CHCHD3: variants seen among roughly 807,000 people sequenced by gnomAD.
CHCHD3 encodes MICOS complex subunit MIC19.
Under a neutral mutation model 38.2 loss-of-function variants are expected in CHCHD3, and 20 were observed. The ratio of observed to expected loss-of-function variants is 0.52; its 90% CI spans 0.37 to 0.76. The LOEUF (loss-of-function observed/expected upper bound fraction) is 0.76, where lower values mean the gene tolerates loss of function less well. Among genes scored for constraint, CHCHD3 ranks in the 30% least tolerant of loss-of-function variants. The pLI is 0.00. For missense variants in CHCHD3, 245 were observed against 279.2 expected, an observed-to-expected ratio of 0.88 and a Z score of 0.87; for synonymous variants, 82 against 100.0, an observed-to-expected ratio of 0.82 and a Z score of 1.07.
intron 4 of CHCHD3, among the ~76,000 whole-genome samples, chr7:132,939,389 T>G (rs1008439997): frequency 6.6e-6 from 1 of 152,154 alleles, no homozygotes; most frequent in African/African-American, 2.4e-5. Flanking sequence ...TTATCTTTTA[T>G]GCTATATTTT....
intron 4 of CHCHD3, among the ~76,000 whole-genome samples, chr7:132,900,176 T>C (rs534346881): frequency 8.4e-3 from 151 of 18,056 alleles, no homozygotes; most frequent in African/African-American, 0.035. Context: ...ATAGGTAAGA[T>C]TGGGGCTGCA....
intron 4 of CHCHD3, among the ~76,000 whole-genome samples, chr7:132,967,113 C>T (rs1204878303): frequency 6.6e-6 from 1 of 152,174 alleles, no homozygotes; most frequent in Non-Finnish European, 1.5e-5. Context: ...ACACAGGACA[C>T]CACTCAACAA....
intron 4 of CHCHD3, among the ~76,000 whole-genome samples, chr7:132,897,140 T>C (rs1457342458): frequency 6.6e-6 from 1 of 152,242 alleles, no homozygotes; most frequent in African/African-American, 2.4e-5. Flanking sequence ...TATCTTCTTA[T>C]TCCATATTGT....
intron 5 of CHCHD3, among the ~76,000 whole-genome samples, chr7:132,846,670 C>T (rs1808084746): frequency 1.3e-5 from 2 of 152,178 alleles, no homozygotes; most frequent in South Asian, 2.1e-4. Context: ...ACATGACACA[C>T]AAACTCACAG....
chr7:132,837,653 G>C (rs1807821387), intron 6 of CHCHD3, among the ~76,000 whole-genome samples: 1 of 152,204 alleles, frequency 6.6e-6, no homozygotes, highest in Non-Finnish European at 1.5e-5. Context: ...AAGGAGGTCA[G>C]AGCCCGATGC....
intron 6 of CHCHD3, among the ~76,000 whole-genome samples, chr7:132,814,964 C>CT (rs1278106163): frequency 6.6e-6 from 1 of 152,156 alleles, no homozygotes; most frequent in Non-Finnish European, 1.5e-5. Flanking sequence ...GACTTAAGTA[C>CT]TGCTCAGGAT....
At chr7:132,809,818 C>A (rs1406552515) in intron 6 of CHCHD3, among the ~76,000 whole-genome samples, 1 of 152,096 alleles carries the variant, frequency 6.6e-6, no homozygotes, top group Non-Finnish European at 1.5e-5. Context: ...ATTTTATTTT[C>A]TTCTCTTGGA....
At chr7:133,056,685 G>A (rs1814346867) in intron 2 of CHCHD3, among the ~76,000 whole-genome samples, 1 of 152,198 alleles carries the variant, frequency 6.6e-6, no homozygotes, top group Non-Finnish European at 1.5e-5. Context: ...ATGTGGAACA[G>A]GTAAAAGGTG....
intron 4 of CHCHD3, among the ~76,000 whole-genome samples, chr7:132,935,382 T>C (rs1355701084): frequency 6.6e-6 from 1 of 152,150 alleles, no homozygotes; most frequent in Non-Finnish European, 1.5e-5. Context: ...CTAGCATTTT[T>C]AATATGAAAA....
chr7:132,978,650 G>A (rs1389559043), intron 3 of CHCHD3, among the ~76,000 whole-genome samples: 1 of 152,090 alleles, frequency 6.6e-6, no homozygotes, highest in Non-Finnish European at 1.5e-5. Context: ...GAGACAAACT[G>A]TATCCTCCAA....
Position 133,070,215 on chromosome 7 carries a change from C to T in CHCHD3, c.96G>A (p.Val32=). 6.2e-7 allele frequency: 1 copy of T among 1,613,452 alleles called. No individual in the cohort carries two copies. Among genetic ancestry groups the T allele is most frequent in the Non-Finnish European group, 8.5e-7 (1 of 1,179,872 alleles). ...GAGAGGATTCCTTCATTCGATCAAT[C>T]ACATTTTCCGAAAGCTGGAAAAGCA... ...VVKGIRLSEN[V]IDRMKESSPS... Residue 32 remains valine, a synonymous_variant, in exon 2 of 8, where the codon GTG becomes GTA. Transcript: ENST00000262570.
intron 3 of CHCHD3, among the ~76,000 whole-genome samples, chr7:132,983,014 C>G (rs1811958849): frequency 6.6e-6 from 1 of 151,942 alleles, no homozygotes; most frequent in Non-Finnish European, 1.5e-5. Context: ...AAAATATATA[C>G]GAATCTATTA....
At chr7:132,865,611 A>C (rs1216956281) in intron 5 of CHCHD3, among the ~76,000 whole-genome samples, 1 of 152,204 alleles carries the variant, frequency 6.6e-6, no homozygotes, top group Non-Finnish European at 1.5e-5. Context: ...GCTTGAGACC[A>C]TCATTACAAG....
intron 3 of CHCHD3, among the ~76,000 whole-genome samples, chr7:132,988,746 T>A (rs1446239546): frequency 6.6e-6 from 1 of 151,914 alleles, no homozygotes; most frequent in Non-Finnish European, 1.5e-5. Context: ...AGCCCCCATC[T>A]CTAACAAAAA....
At chr7:132,952,552 G>A (rs1180664627) in intron 4 of CHCHD3, among the ~76,000 whole-genome samples, 1 of 152,204 alleles carries the variant, frequency 6.6e-6, no homozygotes, top group Non-Finnish European at 1.5e-5. Context: ...TATCAAGCCT[G>A]AGTTATTTTA....
At chr7:132,949,506 C>T (rs1377356296) in intron 4 of CHCHD3, among the ~76,000 whole-genome samples, 1 of 152,110 alleles carries the variant, frequency 6.6e-6, no homozygotes, top group Non-Finnish European at 1.5e-5. Context: ...AGTAGCATAA[C>T]AGTAATTGTT....
intron 4 of CHCHD3, among the ~76,000 whole-genome samples, chr7:132,953,445 T>C (rs925506414): frequency 2.0e-5 from 3 of 152,262 alleles, no homozygotes; most frequent in East Asian, 1.9e-4. Context: ...TGACCTTAGG[T>C]TGACCAAATG....
intron 7 of CHCHD3, among the ~76,000 whole-genome samples, chr7:132,795,419 G>A (rs571531503): frequency 1.3e-5 from 2 of 152,300 alleles, no homozygotes; most frequent in African/African-American, 4.8e-5. Context: ...CTACAAGCAA[G>A]AAACAGAAAA....
chr7:132,853,566 G>T (rs927380058), intron 5 of CHCHD3, among the ~76,000 whole-genome samples: 1 of 152,136 alleles, frequency 6.6e-6, no homozygotes, highest in Non-Finnish European at 1.5e-5. Flanking sequence ...AGGTTGTAGG[G>T]AGCTGAGATC....
Sources: gnomAD v4.1 joint callset for allele counts (sites outside exome capture counted in the v4.1 genomes callset) on GRCh38, gnomAD v4.1.1 for gene constraint, MANE v1.5 for transcripts, NCBI Gene and HGNC (gene_info 2026-07-23, HGNC 2026-07-21) for gene names.